Variants in ANKRD36C observed in about 807,000 individuals in gnomAD.
ANKRD36C encodes the protein ankyrin repeat domain-containing protein 36C.
ANKRD36C carries 61 observed loss-of-function variants against 276.4 expected under a neutral mutation model. The observed-to-expected ratio is 0.22, with a 90% CI of 0.18 to 0.27. The LOEUF (loss-of-function observed/expected upper bound fraction) is 0.27. ANKRD36C is among the 10% of genes least tolerant of loss of function. The probability of loss-of-function intolerance (pLI) is 1.00; values close to 1 mark genes in which losing one functional copy is unlikely to be tolerated. For synonymous variants in ANKRD36C, 483 were observed against 680.1 expected, an observed-to-expected ratio of 0.71 and a Z score of 4.51; for missense variants, 1,447 against 2,032.3, an observed-to-expected ratio of 0.71 and a Z score of 5.54.
chr2:95,957,817 A>G (rs1276515356), intron 12 of ANKRD36C, among the ~76,000 whole-genome samples: 16 of 152,052 alleles, frequency 1.1e-4, no homozygotes, highest in South Asian at 4.1e-4. Flanking sequence ...TTGCTATTTT[A>G]TCCAAAAGTT....
chr2:95,972,832 G>A (rs1387016134), intron 6 of ANKRD36C, among the ~76,000 whole-genome samples: 1 of 151,900 alleles, frequency 6.6e-6, no homozygotes, highest in African/African-American at 2.4e-5. Context: ...ATTTTAACCA[G>A]AATAAAAATT....
rs1488982398 is a variant in ANKRD36C, at chr2:95,982,253, T to C, written c.593+3A>G. 6.5e-7 allele frequency: 1 copy of C among 1,541,672 alleles called. No homozygotes were observed. The highest frequency in any genetic ancestry group is 8.8e-7 in the Non-Finnish European group (1 of 1,139,022). On this transcript the variant is annotated splice_donor_region_variant and intron_variant, in intron 4 of 66. Coordinates refer to ENST00000456556, the Ensembl canonical transcript of ANKRD36C. Reference sequence around the variant, plus strand: ...ACAACACAATAAGAACTAAGGTCTGTACCTGCCAAGATAATCAACGGCATT... The same window carrying C: ...ACAACACAATAAGAACTAAGGTCTGCACCTGCCAAGATAATCAACGGCATT...
At chr2:95,881,480 G>C (rs1331452134) in intron 56 of ANKRD36C, among the ~76,000 whole-genome samples, 1 of 150,698 alleles carries the variant, frequency 6.6e-6, no homozygotes, top group Non-Finnish European at 1.5e-5. Context: ...GTCTGCTCTG[G>C]AATATCACTT....
intron 14 of ANKRD36C, 125 bp downstream of exon 14, chr2:95,953,814 T>G (rs1283445762): frequency 5.0e-6 from 4 of 799,860 alleles, no homozygotes; most frequent in Non-Finnish European, 7.2e-6. Context: ...AATGGTTTTC[T>G]CTAATAAAAG....
At chr2:95,967,083 C>A (rs906577074) in intron 6 of ANKRD36C, among the ~76,000 whole-genome samples, 25 of 152,116 alleles carry the variant, frequency 1.6e-4, no homozygotes, top group African/African-American at 3.9e-4. Context: ...CTAAATATAC[C>A]ATCATGTCAT....
intron 59 of ANKRD36C, among the ~76,000 whole-genome samples, chr2:95,875,316 GTGACACATA>G: frequency 6.6e-6 from 1 of 152,120 alleles, no homozygotes. Flanking sequence ...TTAAGAAAAT[GTGACACATA>G]TACACCATGG....
intron 58 of ANKRD36C, among the ~76,000 whole-genome samples, chr2:95,876,972 T>C (rs1675973043): frequency 6.7e-6 from 1 of 149,316 alleles, no homozygotes; most frequent in African/African-American, 2.5e-5. Flanking sequence ...CTCCAAAACT[T>C]CAGCAAACCA....
intron 46 of ANKRD36C, among the ~76,000 whole-genome samples, chr2:95,890,495 T>G (rs538202871): frequency 6.6e-6 from 1 of 151,642 alleles, no homozygotes; most frequent in Non-Finnish European, 1.5e-5. Flanking sequence ...ATCTCCTCAG[T>G]GGAAGTGTCC....
Position 95,855,550 on chromosome 2 carries a change from T to C in ANKRD36C, c.4711A>G (p.Asn1571Asp), listed in dbSNP as rs556732137. ...TTTTCTATGCATTTTTCCATTGTAT[T>C]GTATCCACTTTTGTACATTTTTTCA... The change falls in exon 63 of 67, where the codon AAT (asparagine) becomes GAT (aspartate). Residue 1571 changes from asparagine to aspartate, a missense_variant. This residue lies in a region of ANKRD36C where 437 missense variants were observed against 641.0 expected (regional missense o/e 0.68). Coordinates refer to ENST00000456556, the Ensembl canonical transcript of ANKRD36C. 2.1e-5 allele frequency: 34 copies of C among 1,611,410 alleles called. No homozygotes were observed. The South Asian group carries it at 3.5e-4, about 17-fold the overall frequency.
chr2:95,978,302 T>C (rs1678853480), intron 5 of ANKRD36C, 113 bp from the exon 6 acceptor site: 1 of 375,074 alleles, frequency 2.7e-6, no homozygotes, highest in African/African-American at 2.2e-5. Context: ...AATTATCCTA[T>C]ACACTTCTCT....
At chr2:95,858,737 G>A (rs1675487181) in intron 61 of ANKRD36C, among the ~76,000 whole-genome samples, 2 of 152,094 alleles carry the variant, frequency 1.3e-5, no homozygotes, top group Admixed American at 6.5e-5. Flanking sequence ...GCAGATTACT[G>A]TAATCCAAGA....
intron 26 of ANKRD36C, among the ~76,000 whole-genome samples, chr2:95,927,730 GAA>G (rs1336767952): frequency 2.6e-5 from 4 of 151,614 alleles, no homozygotes; most frequent in African/African-American, 4.8e-5. Context: ...ACACACCTGA[GAA>G]TCAATGTCAA....
At chr2:95,910,646 T>G in intron 42 of ANKRD36C, 78 bp from the exon 45 acceptor site, 4 of 1,593,710 alleles carry the variant, frequency 2.5e-6, no homozygotes, top group Non-Finnish European at 3.4e-6. Context: ...AGCGTTAGCA[T>G]CAAACTCTGT....
chr2:95,881,272 C>T (rs1676071699), intron 56 of ANKRD36C, among the ~76,000 whole-genome samples: 1 of 152,048 alleles, frequency 6.6e-6, no homozygotes, highest in Non-Finnish European at 1.5e-5. Flanking sequence ...CTTTCTTCAT[C>T]CACTAATGGC....
At chr2:95,871,005 A>G (rs1432610077) in intron 59 of ANKRD36C, among the ~76,000 whole-genome samples, 1 of 152,182 alleles carries the variant, frequency 6.6e-6, no homozygotes, top group African/African-American at 2.4e-5. Flanking sequence ...TCCAAGAAAT[A>G]TGGGACTAAG....
chr2:95,979,788 A>C (rs1362866518), intron 5 of ANKRD36C, among the ~76,000 whole-genome samples: 2 of 152,064 alleles, frequency 1.3e-5, no homozygotes, highest in Non-Finnish European at 2.9e-5. Context: ...AAAAAGGGAC[A>C]CAAAAAATAA....
At chr2:95,902,303 C>A (rs1489629407) in intron 42 of ANKRD36C, among the ~76,000 whole-genome samples, 1 of 148,570 alleles carries the variant, frequency 6.7e-6, no homozygotes, top group African/African-American at 2.5e-5. Flanking sequence ...CTGGAGCAGC[C>A]AAAATCAAAT....
chr2:95,957,939 C>G (rs1396807355), intron 12 of ANKRD36C, among the ~76,000 whole-genome samples: 1 of 152,040 alleles, frequency 6.6e-6, no homozygotes, highest in African/African-American at 2.4e-5. Context: ...AGAGGGGTAA[C>G]AGGTGACTGT....
exon 60 of ANKRD36C, chr2:95,867,501 C>A: frequency 7.1e-7 from 1 of 1,413,108 alleles, no homozygotes; most frequent in Non-Finnish European, 9.7e-7. Context: ...TACAGCAAAG[C>A]GAGTCACCGT....
Sources: allele counts gnomAD v4.1 joint callset (sites outside exome capture counted in the v4.1 genomes callset), GRCh38; gene constraint gnomAD v4.1.1; regional missense constraint gnomAD v4.1.1; transcripts MANE v1.5; gene names NCBI Gene and HGNC (gene_info 2026-07-23, HGNC 2026-07-21).